FNDC3B: variants seen among roughly 807,000 people sequenced by gnomAD.
FNDC3B encodes fibronectin type III domain-containing protein 3B.
Under a neutral mutation model 151.5 loss-of-function variants are expected in FNDC3B, and 12 were observed. That is an observed-to-expected ratio of 0.08 (90% CI 0.05 to 0.13). The LOEUF is 0.13. FNDC3B is among the 10% of genes least tolerant of loss of function. FNDC3B has a pLI of 1.00. For synonymous variants in FNDC3B, 528 were observed against 549.0 expected (o/e 0.96, Z 0.54); for missense variants, 1,214 against 1,505.3 (o/e 0.81, Z 3.20).
At chr3:172,321,975 G>A (rs868417795) in intron 11 of FNDC3B, among the ~76,000 whole-genome samples, 7 of 152,174 alleles carry the variant, frequency 4.6e-5, no homozygotes, top group South Asian at 2.1e-4. Flanking sequence ...ATTTATAAAA[G>A]TTTGCAGAAA....
At chr3:172,337,520 C>A in intron 16 of FNDC3B, 119 bp downstream of exon 16, 3 of 703,222 alleles carry the variant, frequency 4.3e-6, no homozygotes, top group Non-Finnish European at 7.3e-6. Context: ...ATTATTATTA[C>A]AATAAACAAA....
intron 3 of FNDC3B, among the ~76,000 whole-genome samples, chr3:172,147,326 G>A (rs907137669): frequency 1.5e-5 from 2 of 134,612 alleles, no homozygotes; most frequent in Admixed American, 7.3e-5. Context: ...AAAAAAAAAA[G>A]TGAGGTGAGA....
At chr3:172,388,723 G>A (rs1735854690) in intron 25 of FNDC3B, among the ~76,000 whole-genome samples, 1 of 152,198 alleles carries the variant, frequency 6.6e-6, no homozygotes, top group African/African-American at 2.4e-5. Context: ...CACCAAGCCA[G>A]CATCATGGGG....
intron 4 of FNDC3B, among the ~76,000 whole-genome samples, chr3:172,242,930 C>A (rs189330708): frequency 1.3e-5 from 2 of 152,150 alleles, no homozygotes; most frequent in African/African-American, 4.8e-5. Context: ...CCCAGGTCAC[C>A]TCTTGAAGGC....
chr3:172,365,915 T>C (rs993157199), intron 23 of FNDC3B, among the ~76,000 whole-genome samples: 2 of 152,200 alleles, frequency 1.3e-5, no homozygotes, highest in African/African-American at 4.8e-5. Flanking sequence ...CTCTCCAAAT[T>C]TCCTTAATTC....
At chr3:172,152,560 C>T (rs1015040198) in intron 3 of FNDC3B, among the ~76,000 whole-genome samples, 1 of 149,712 alleles carries the variant, frequency 6.7e-6, no homozygotes, top group Non-Finnish European at 1.5e-5. Flanking sequence ...CTGCCACTCA[C>T]ATTCTCCATG....
At chr3:172,202,422 T>C (rs1427962297) in intron 3 of FNDC3B, among the ~76,000 whole-genome samples, 1 of 152,196 alleles carries the variant, frequency 6.6e-6, no homozygotes, top group East Asian at 1.9e-4. Context: ...TCGGCCAGTA[T>C]TTCCTTTTGT....
intron 21 of FNDC3B, among the ~76,000 whole-genome samples, chr3:172,350,696 G>A (rs1452885219): frequency 6.6e-6 from 1 of 152,062 alleles, no homozygotes; most frequent in African/African-American, 2.4e-5. Context: ...TGATTTAAGA[G>A]CTCAAACTTA....
At chr3:172,170,879 C>T (rs908507874) in intron 3 of FNDC3B, among the ~76,000 whole-genome samples, 2 of 152,108 alleles carry the variant, frequency 1.3e-5, no homozygotes, top group African/African-American at 4.8e-5. Flanking sequence ...TTATGCAAAC[C>T]TTTGAGCCAC....
chr3:172,303,861 A>C (rs1013206344), intron 9 of FNDC3B, among the ~76,000 whole-genome samples: 1 of 152,214 alleles, frequency 6.6e-6, no homozygotes, highest in Non-Finnish European at 1.5e-5. Flanking sequence ...GAACTACTAT[A>C]ATTGACAGAT....
chr3:172,159,139 C>T (rs769239188), intron 3 of FNDC3B, among the ~76,000 whole-genome samples: 7 of 152,098 alleles, frequency 4.6e-5, no homozygotes, highest in Non-Finnish European at 8.8e-5. Flanking sequence ...ATTAGCTGGG[C>T]GTGGTGGCAC....
At chr3:172,100,998 T>C (rs552300341) in intron 1 of FNDC3B, among the ~76,000 whole-genome samples, 1 of 152,318 alleles carries the variant, frequency 6.6e-6, no homozygotes, top group East Asian at 1.9e-4. Flanking sequence ...GGAGGAACTG[T>C]CAGTGATGTT....
chr3:172,359,708 A>T (rs375554286), intron 22 of FNDC3B, among the ~76,000 whole-genome samples: 79 of 152,322 alleles, frequency 5.2e-4, no homozygotes, highest in African/African-American at 1.9e-3. Context: ...TATTAATACC[A>T]TAAAGCAATC....
intron 16 of FNDC3B, among the ~76,000 whole-genome samples, chr3:172,340,661 C>T (rs1170615163): frequency 6.6e-6 from 1 of 152,188 alleles, no homozygotes; most frequent in Non-Finnish European, 1.5e-5. Flanking sequence ...TTCCTTTGAC[C>T]TCTAGGCAGA....
rs1306751073 is a variant in FNDC3B, at chr3:172,397,675, T to TA, written c.*200_*201insA. 1,137 of 278,454 alleles carry TA rather than the reference T, an allele frequency of 4.1e-3. 5 individuals carry two copies. The highest frequency in any genetic ancestry group is 5.7e-3 in the Non-Finnish European group (898 of 158,238). 17.2% of individuals were successfully genotyped at this position (278,454 alleles called of 1,614,324 possible). A position where few individuals can be genotyped will look rare whatever the true frequency, so the allele number is the denominator to read the frequency against. ...AAAAGGTTAAACTGGATTTTTTTTT[T>TA]TAAAAAAAAGAAAAAAAAAGAAGAA... On this transcript the variant is annotated 3_prime_UTR_variant, in exon 26 of 26. Coordinates refer to ENST00000415807, the MANE Select transcript of FNDC3B (RefSeq NM_022763.4).
chr3:172,334,227 C>T (rs1370770439), intron 14 of FNDC3B, among the ~76,000 whole-genome samples: 2 of 152,034 alleles, frequency 1.3e-5, no homozygotes, highest in African/African-American at 2.4e-5. Flanking sequence ...CCCTTATTAT[C>T]GATGCTGGCT....
At chr3:172,336,475 A>G (rs181464574) in intron 15 of FNDC3B, among the ~76,000 whole-genome samples, 14 of 152,332 alleles carry the variant, frequency 9.2e-5, no homozygotes, top group Admixed American at 9.1e-4. Context: ...TTCATACCAC[A>G]TTCACCTGGG....
intron 3 of FNDC3B, among the ~76,000 whole-genome samples, chr3:172,200,740 T>A (rs1725104855): frequency 6.6e-6 from 1 of 152,182 alleles, no homozygotes; most frequent in Non-Finnish European, 1.5e-5. Context: ...GAGGAGCATC[T>A]GTAATTGTTT....
At chr3:172,074,660 G>C (rs1560395324) in intron 1 of FNDC3B, among the ~76,000 whole-genome samples, 1 of 152,034 alleles carries the variant, frequency 6.6e-6, no homozygotes, top group Admixed American at 6.6e-5. Flanking sequence ...TTTAAGGGCT[G>C]AAAAAAATAA....
Sources: gnomAD v4.1 joint callset for allele counts (sites outside exome capture counted in the v4.1 genomes callset) on GRCh38, gnomAD v4.1.1 for gene constraint, MANE v1.5 for transcripts, NCBI Gene and HGNC (gene_info 2026-07-23, HGNC 2026-07-21) for gene names.